The following INPP4B variants were observed in gnomAD, a reference collection of about 807,000 sequenced individuals.
The protein encoded by INPP4B is inositol polyphosphate-4-phosphatase type II B.
Under a neutral mutation model 122.5 loss-of-function variants are expected in INPP4B, and 55 were observed. That is an observed-to-expected ratio of 0.45 (90% CI 0.36 to 0.56). The LOEUF is 0.56. Ranked by LOEUF, INPP4B falls within the 20% of genes least tolerant of loss-of-function variation. INPP4B has a pLI of 0.00. For synonymous variants in INPP4B, 403 were observed against 388.7 expected (o/e 1.04, Z -0.43); for missense variants, 1,000 against 1,097.7 (o/e 0.91, Z 1.26).
At chr4:142,473,900 A>T (rs1819360318) in intron 2 of INPP4B, among the ~76,000 whole-genome samples, 1 of 152,200 alleles carries the variant, frequency 6.6e-6, no homozygotes, top group South Asian at 2.1e-4. Context: ...ATGACAAGGC[A>T]GGTGACCCCA....
intron 18 of INPP4B, among the ~76,000 whole-genome samples, chr4:142,145,041 C>T (rs1024074992): frequency 7.9e-5 from 12 of 152,034 alleles, no homozygotes; most frequent in African/African-American, 2.9e-4. Flanking sequence ...GCAGTTCCTA[C>T]TGCCGTAAAG....
At chr4:142,251,633 C>A (rs1185593473) in intron 11 of INPP4B, among the ~76,000 whole-genome samples, 2 of 152,134 alleles carry the variant, frequency 1.3e-5, no homozygotes, top group African/African-American at 4.8e-5. Context: ...TGGCTGTAGG[C>A]TGAGAAACAC....
At chr4:142,608,440 T>C (rs1205010393) in intron 2 of INPP4B, among the ~76,000 whole-genome samples, 1 of 152,164 alleles carries the variant, frequency 6.6e-6, no homozygotes, top group Non-Finnish European at 1.5e-5. Flanking sequence ...TATGCAGGAT[T>C]TATGAGTTTT....
intron 1 of INPP4B, among the ~76,000 whole-genome samples, chr4:142,757,592 G>A (rs541974480): frequency 1.1e-4 from 17 of 152,118 alleles, no homozygotes; most frequent in South Asian, 2.1e-4. Flanking sequence ...AGCTTCCTCC[G>A]TGTCTTTTTC....
At chr4:142,272,324 C>T (rs1434765008) in intron 9 of INPP4B, among the ~76,000 whole-genome samples, 1 of 151,778 alleles carries the variant, frequency 6.6e-6, no homozygotes, top group Non-Finnish European at 1.5e-5. Context: ...TAAAACACGA[C>T]TTTTGAATTA....
chr4:142,659,250 A>C (rs1754718632), intron 2 of INPP4B, among the ~76,000 whole-genome samples: 1 of 151,806 alleles, frequency 6.6e-6, no homozygotes, highest in South Asian at 2.1e-4. Context: ...ATACAAAAAA[A>C]AAAAAATTAG....
In INPP4B at chr4:142,072,540, C is replaced by CTTT. The variant is rs768906284; in HGVS notation, c.2642+9488_2642+9490dup. On this transcript the variant is annotated intron_variant, in intron 25 of 25. Transcript: ENST00000262992. ...CAGATGATATGAATAGTGGAAATGACTTTTTTTTTTTTTTTTACCTTTCCT... is the reference window on the plus strand; with the variant it reads ...CAGATGATATGAATAGTGGAAATGACTTTTTTTTTTTTTTTTTTTACCTTTCCT... Among the ~76,000 whole-genome samples the CTTT allele has an allele frequency of 1.1e-3, 145 of 134,532 alleles. 1 individual carries two copies. The highest frequency in any genetic ancestry group is 3.7e-3 in the African/African-American group (137 of 37,048). The allele number at this position is 134,532 out of a possible 152,430, so 88.3% of individuals were successfully genotyped here.
intron 1 of INPP4B, among the ~76,000 whole-genome samples, chr4:142,791,153 T>C (rs1256134018): frequency 6.6e-6 from 1 of 152,144 alleles, no homozygotes; most frequent in Non-Finnish European, 1.5e-5. Context: ...TAGAGAATAT[T>C]GCAATGATCT....
chr4:142,479,934 G>C (rs1005619543), intron 2 of INPP4B, among the ~76,000 whole-genome samples: 6 of 152,000 alleles, frequency 3.9e-5, no homozygotes, highest in African/African-American at 1.4e-4. Context: ...ATAACACTGC[G>C]CATGTACCCC....
chr4:142,717,942 A>T (rs551716187), intron 2 of INPP4B, among the ~76,000 whole-genome samples: 1 of 151,384 alleles, frequency 6.6e-6, no homozygotes, highest in South Asian at 2.1e-4. Flanking sequence ...CCCCTTGTAC[A>T]CTCTTCTGTC....
chr4:142,571,726 T>G (rs1271510279), intron 2 of INPP4B, among the ~76,000 whole-genome samples: 2 of 152,118 alleles, frequency 1.3e-5, no homozygotes, highest in Non-Finnish European at 2.9e-5. Context: ...TAAAATGATA[T>G]TTTGAGGGTT....
chr4:142,577,394 A>G (rs756619350), intron 2 of INPP4B, among the ~76,000 whole-genome samples: 77 of 151,992 alleles, frequency 5.1e-4, no homozygotes, highest in Non-Finnish European at 9.3e-4. Context: ...AAAAAAATTT[A>G]GTTCATTTTT....
chr4:142,314,928 G>A (rs745651962), intron 7 of INPP4B, among the ~76,000 whole-genome samples, 166 bp from the exon 8 acceptor site: 4 of 152,150 alleles, frequency 2.6e-5, no homozygotes, highest in Admixed American at 2.0e-4. Flanking sequence ...CAATGAAGCT[G>A]TGCTGTTACA....
intron 11 of INPP4B, 66 bp downstream of exon 11, chr4:142,260,426 T>C (rs974902593): frequency 3.0e-6 from 3 of 1,003,816 alleles, no homozygotes; most frequent in East Asian, 2.4e-5. Context: ...TGGTTCAGTG[T>C]TGATTTTACA....
At chr4:142,054,440 C>T (rs1172452146) in intron 25 of INPP4B, among the ~76,000 whole-genome samples, 2 of 152,014 alleles carry the variant, frequency 1.3e-5, no homozygotes, top group African/African-American at 2.4e-5. Flanking sequence ...GTTTTGTTAT[C>T]CTTATTGTGC....
chr4:142,195,619 A>T (rs1319198779), intron 14 of INPP4B, among the ~76,000 whole-genome samples: 16 of 152,166 alleles, frequency 1.1e-4, no homozygotes, highest in Admixed American at 9.8e-4. Flanking sequence ...GCTGTTTTTT[A>T]AAAAATGTAG....
chr4:142,352,712 A>C (rs976178925), intron 7 of INPP4B, among the ~76,000 whole-genome samples: 9 of 151,942 alleles, frequency 5.9e-5, no homozygotes, highest in African/African-American at 1.7e-4. Context: ...TTAATTAAAC[A>C]CCTATGAAAG....
chr4:142,103,787 A>G (rs996761459), intron 23 of INPP4B, among the ~76,000 whole-genome samples: 2 of 151,964 alleles, frequency 1.3e-5, no homozygotes, highest in Admixed American at 1.3e-4. Flanking sequence ...TGAGGCTTAC[A>G]GTAAAAATTG....
At chr4:142,373,036 A>G (rs142728159) in intron 7 of INPP4B, among the ~76,000 whole-genome samples, 2,461 of 152,148 alleles carry the variant, frequency 0.016, 30 homozygotes, top group Non-Finnish European at 0.024. Context: ...AGATGGTTTT[A>G]AACTGAATCA....
Sources: gnomAD v4.1 joint callset for allele counts (sites outside exome capture counted in the v4.1 genomes callset) on GRCh38, gnomAD v4.1.1 for gene constraint, MANE v1.5 for transcripts, NCBI Gene and HGNC (gene_info 2026-07-23, HGNC 2026-07-21) for gene names.